PIK3C2A: variants seen among roughly 807,000 people sequenced by gnomAD.
PIK3C2A encodes the protein phosphatidylinositol 4-phosphate 3-kinase C2 domain-containing subunit alpha.
A neutral mutation model predicts 204.5 loss-of-function variants in PIK3C2A; 97 were observed. That is an observed-to-expected ratio of 0.47 (90% CI 0.40 to 0.56). The LOEUF (loss-of-function observed/expected upper bound fraction) is 0.56. Ranked by LOEUF, PIK3C2A falls within the 20% of genes least tolerant of loss-of-function variation. The pLI is 0.00. For synonymous variants in PIK3C2A, 653 were observed against 664.4 expected (o/e 0.98, Z 0.26); for missense variants, 1,735 against 1,969.2 (o/e 0.88, Z 2.25).
chr11:17,126,608 G>C (rs1590937386), intron 13 of PIK3C2A, among the ~76,000 whole-genome samples: 1 of 152,258 alleles, frequency 6.6e-6, no homozygotes, highest in East Asian at 1.9e-4. Flanking sequence ...ATGTACTAAT[G>C]TAGAGAAACA....
intron 15 of PIK3C2A, among the ~76,000 whole-genome samples, chr11:17,121,876 A>C (rs1218913402): frequency 6.6e-6 from 1 of 152,016 alleles, no homozygotes; most frequent in Non-Finnish European, 1.5e-5. Flanking sequence ...ATGTATTGTA[A>C]ATATAGTTTC....
chr11:17,132,136 T>C, intron 11 of PIK3C2A, 98 bp from the exon 12 acceptor site: 1 of 671,548 alleles, frequency 1.5e-6, no homozygotes, highest in Non-Finnish European at 2.5e-6. Flanking sequence ...GAGACTAATA[T>C]CTGAAATAAT....
Position 17,129,409 on chromosome 11 carries a change from G to T in PIK3C2A, c.2290C>A (p.Leu764Ile), listed in dbSNP as rs1297553887. 2 of 1,611,448 alleles carry T rather than the reference G, an allele frequency of 1.2e-6. No homozygotes were observed. The highest frequency in any genetic ancestry group is 3.3e-5 in the Admixed American group (2 of 60,020). The part of the protein sequence containing the change: ...LPLESVLHLT[L>I]FGILNQSSGS... ...CTGCTCTGATTTAAAATTCCAAAAA[G>T]AGTAAGGTGAAGAACTGATTCTAAT... Residue 764 changes from leucine (L) to isoleucine (I), a missense_variant, in exon 13 of 33, where the codon CTT (leucine) becomes ATT (isoleucine). By Grantham distance (5) the Leu-to-Ile change is conservative. This residue lies in a region of PIK3C2A where 567 missense variants were observed against 576.0 expected (regional missense o/e 0.98). Coordinates refer to ENST00000691414, the MANE Select transcript of PIK3C2A (RefSeq NM_002645.4).
In PIK3C2A at chr11:17,099,874, T is replaced by G; in HGVS notation, c.4104A>C (p.Thr1368=). 1 of 1,490,012 alleles carries G rather than the reference T, an allele frequency of 6.7e-7. No homozygotes were observed. Among genetic ancestry groups the G allele is most frequent in the Non-Finnish European group, 9.4e-7 (1 of 1,068,906 alleles). The allele number at this position is 1,490,012 out of a possible 1,614,324, so 92.3% of individuals were successfully genotyped here. A position where few individuals can be genotyped will look rare whatever the true frequency, so the allele number is the denominator to read the frequency against. Residue 1368 remains threonine (T), a synonymous_variant, in exon 26 of 33, where the codon ACA becomes ACC. Transcript: ENST00000691414. ...LQPQTTDAEA[T]IFFTRLIESS... The stretch of plus-strand genomic sequence containing the variant: ...ATATGCTTTACCTAGTAAAGAAAAT[T>G]GTAGCTTCTGCGTCTGTAGTTTGGG...
intron 19 of PIK3C2A, 69 bp downstream of exon 19, chr11:17,117,418 CTTAA>C (rs1849228923): frequency 2.0e-6 from 2 of 997,338 alleles, no homozygotes; most frequent in Non-Finnish European, 3.0e-6. Context: ...AGAATAGCAA[CTTAA>C]TTAGTCAGCA....
chr11:17,170,315 A>T (rs900367697), intron 1 of PIK3C2A, among the ~76,000 whole-genome samples: 3 of 152,264 alleles, frequency 2.0e-5, no homozygotes, highest in Non-Finnish European at 4.4e-5. Flanking sequence ...TTATTTTATC[A>T]AAATACTATG....
At chr11:17,146,959 T>G (rs1850263596) in intron 6 of PIK3C2A, among the ~76,000 whole-genome samples, 1 of 152,188 alleles carries the variant, frequency 6.6e-6, no homozygotes, top group South Asian at 2.1e-4. Context: ...AAAATTCGAT[T>G]TTAAGTTCAT....
intron 28 of PIK3C2A, among the ~76,000 whole-genome samples, chr11:17,093,183 C>CATT (rs1402840011): frequency 6.6e-6 from 1 of 152,180 alleles, no homozygotes; most frequent in Non-Finnish European, 1.5e-5. Flanking sequence ...ATCTACTGGT[C>CATT]ATTGAGCTAC....
intron 27 of PIK3C2A, 70 bp from the exon 28 acceptor site, chr11:17,094,455 G>A: frequency 1.6e-6 from 2 of 1,281,270 alleles, no homozygotes; most frequent in South Asian, 1.3e-5. Context: ...CGGGTGCAGT[G>A]GCTCATGCCT....
At chr11:17,189,828 A>AG in intron 1 of PIK3C2A, among the ~76,000 whole-genome samples, 1 of 145,274 alleles carries the variant, frequency 6.9e-6, no homozygotes, top group Non-Finnish European at 1.5e-5. Flanking sequence ...AAAAAAAAAA[A>AG]AAAAAAAAGA....
intron 1 of PIK3C2A, among the ~76,000 whole-genome samples, chr11:17,185,301 T>C (rs958675658): frequency 1.3e-5 from 2 of 152,200 alleles, no homozygotes; most frequent in African/African-American, 2.4e-5. Flanking sequence ...GTCATAAAGT[T>C]TGTAGCCTAA....
At chr11:17,096,547 G>A (rs1331921652) in intron 27 of PIK3C2A, among the ~76,000 whole-genome samples, 6 of 152,038 alleles carry the variant, frequency 3.9e-5, no homozygotes, top group Non-Finnish European at 5.9e-5. Context: ...TTTATTAACA[G>A]AATAGATGAA....
At position 17,131,979 on chromosome 11, in the gene PIK3C2A, G is replaced by A; in HGVS notation, c.2168C>T (p.Pro723Leu). 1.3e-6 allele frequency: 2 copies of A among 1,574,270 alleles called. No individual in the cohort carries two copies. Among genetic ancestry groups the A allele is most frequent in the Non-Finnish European group, 8.7e-7 (1 of 1,148,344 alleles). ...AGTGCCAACCTTCTTTGATTGAATA[G>A]GTTTAAAAAGATCCTTTCCATTGTG... is the stretch of plus-strand genomic sequence containing the variant. ...LSHNGKDLFK[P>L]IQSKKVGTYK... Residue 723 changes from proline (P) to leucine (L), a missense_variant, in exon 12 of 33, where the codon CCT (proline) becomes CTT (leucine). Around this residue, in one of 6 missense-constraint regions of PIK3C2A, gnomAD observed 567 missense variants for 576.0 expected, o/e 0.98. Transcript: ENST00000691414.
chr11:17,095,610 A>T (rs35297605), intron 27 of PIK3C2A, among the ~76,000 whole-genome samples: 23,604 of 151,080 alleles, frequency 0.16, 2,086 homozygotes, highest in Middle Eastern at 0.25. Flanking sequence ...AAAAAATAAA[A>T]AAATAAATAA....
chr11:17,189,422 G>A (rs969999815), intron 1 of PIK3C2A, among the ~76,000 whole-genome samples: 1 of 145,740 alleles, frequency 6.9e-6, no homozygotes, highest in Non-Finnish European at 1.5e-5. Context: ...CAAGACCAGC[G>A]TGGCCAAGAT....
intron 3 of PIK3C2A, among the ~76,000 whole-genome samples, chr11:17,152,548 A>AT (rs1850456413): frequency 1.3e-5 from 2 of 152,152 alleles, no homozygotes; most frequent in Non-Finnish European, 2.9e-5. Context: ...CAGATAAGGT[A>AT]TTTTTATGGA....
At chr11:17,193,125 C>T (rs1851998784) in intron 1 of PIK3C2A, among the ~76,000 whole-genome samples, 1 of 152,238 alleles carries the variant, frequency 6.6e-6, no homozygotes, top group Admixed American at 6.5e-5. Context: ...AGAACGCCCT[C>T]ACCAGATGCC....
At chr11:17,182,284 T>C (rs1851593350) in intron 1 of PIK3C2A, among the ~76,000 whole-genome samples, 1 of 152,042 alleles carries the variant, frequency 6.6e-6, no homozygotes, top group African/African-American at 2.4e-5. Flanking sequence ...TACTTAACCA[T>C]AAAGAATAAT....
intron 7 of PIK3C2A, 35 bp from the exon 8 acceptor site, chr11:17,145,766 G>A (rs778735386): frequency 5.1e-6 from 8 of 1,555,594 alleles, no homozygotes; most frequent in Non-Finnish European, 7.1e-6. Flanking sequence ...GCTGAAGGAT[G>A]CTACACACAA....
Sources: allele counts gnomAD v4.1 joint callset (sites outside exome capture counted in the v4.1 genomes callset), GRCh38; gene constraint gnomAD v4.1.1; regional missense constraint gnomAD v4.1.1; transcripts MANE v1.5; gene names NCBI Gene and HGNC (gene_info 2026-07-23, HGNC 2026-07-21).